Variants in DIP2C observed in about 807,000 individuals in gnomAD.
DIP2C encodes disco-interacting protein 2 homolog C.
A neutral mutation model predicts 192.4 loss-of-function variants in DIP2C; 33 were observed. The ratio of observed to expected loss-of-function variants is 0.17; its 90% CI spans 0.13 to 0.23. The LOEUF (loss-of-function observed/expected upper bound fraction) is 0.23, where lower values mean the gene tolerates loss of function less well. Among genes scored for constraint, DIP2C ranks in the 10% least tolerant of loss-of-function variants. The pLI, the probability that DIP2C is intolerant of heterozygous loss-of-function variation, is 1.00. For synonymous variants in DIP2C, 979 were observed against 864.1 expected (o/e 1.13, Z -2.33); for missense variants, 1,537 against 2,110.1 (o/e 0.73, Z 5.32).
chr10:631,341 T>A (rs1012720838), intron 1 of DIP2C: 1 of 152,246 alleles, frequency 6.6e-6, no homozygotes, highest in Non-Finnish European at 1.5e-5. Context: ...GATTCTGGTG[T>A]CTCGGGTGTT....
intron 1 of DIP2C, among the ~76,000 whole-genome samples, chr10:597,559 C>T (rs1315625491): frequency 6.6e-6 from 1 of 152,182 alleles, no homozygotes; most frequent in Non-Finnish European, 1.5e-5. Context: ...CAGGAGTGCA[C>T]TAACGCTGTC....
At chr10:476,699 C>T (rs1251160369) in intron 2 of DIP2C, among the ~76,000 whole-genome samples, 1 of 152,204 alleles carries the variant, frequency 6.6e-6, no homozygotes, top group Non-Finnish European at 1.5e-5. Flanking sequence ...CTGTCATTCT[C>T]CTGGTACCTG....
rs79234819 is a variant in DIP2C, at chr10:655,640, G to A, written c.85+33854C>T. ...CTATGTAATATTAATACCATGCTGT[G>A]TGTTCTAATCTAGACTACATTATGC... On this transcript the variant is annotated intron_variant, in intron 1 of 36. Transcript: ENST00000280886. 4.5e-3 allele frequency among the ~76,000 whole-genome samples: 686 copies of A among 152,242 alleles called. 5 individuals are homozygous for A. The highest frequency in any genetic ancestry group is 0.015 in the African/African-American group (636 of 41,540).
intron 7 of DIP2C, among the ~76,000 whole-genome samples, chr10:414,751 A>G (rs1211515576): frequency 7.4e-5 from 10 of 134,858 alleles, no homozygotes; most frequent in East Asian, 6.5e-4. Flanking sequence ...ACATATATAT[A>G]TATATAATGT....
chr10:592,903 A>C (rs967781794), intron 1 of DIP2C, among the ~76,000 whole-genome samples: 14 of 151,566 alleles, frequency 9.2e-5, no homozygotes, highest in Non-Finnish European at 1.8e-4. Context: ...GGGTATTTGG[A>C]AACTTCTGTG....
At chr10:324,811 T>G (rs1293621162) in intron 31 of DIP2C, 1 of 435,906 alleles carries the variant, frequency 2.3e-6, no homozygotes, top group African/African-American at 2.0e-5. Flanking sequence ...GTAAGGACGG[T>G]GGCACGCTTC....
At chr10:512,292 C>T (rs1293014557) in intron 1 of DIP2C, among the ~76,000 whole-genome samples, 1 of 152,198 alleles carries the variant, frequency 6.6e-6, no homozygotes, top group Non-Finnish European at 1.5e-5. Context: ...AGATGTGGTG[C>T]TCACACCTGT....
chr10:494,687 G>A (rs200266328), intron 1 of DIP2C, among the ~76,000 whole-genome samples: 6 of 152,194 alleles, frequency 3.9e-5, no homozygotes, highest in African/African-American at 9.7e-5. Flanking sequence ...GAGCAGTCAC[G>A]CCACCTGTGC....
intron 1 of DIP2C, among the ~76,000 whole-genome samples, chr10:491,845 C>T (rs544478100): frequency 3.4e-4 from 52 of 152,340 alleles, no homozygotes; most frequent in African/African-American, 1.2e-3. Context: ...CACAGACCTG[C>T]TGTGCACCCT....
At chr10:412,720 G>T (rs543691823) in intron 8 of DIP2C, among the ~76,000 whole-genome samples, 1 of 152,266 alleles carries the variant, frequency 6.6e-6, no homozygotes, top group East Asian at 1.9e-4. Context: ...GTTCAACATA[G>T]CATCTGGCTT....
Position 689,387 on chromosome 10 carries a change from C to A in DIP2C, c.85+107G>T, listed in dbSNP as rs867309516. On this transcript the variant is annotated intron_variant, in intron 1 of 36. Transcript: ENST00000280886. This position sits in a 1 kb window ranked among gnomAD's most constrained non-coding sequence, Gnocchi z 6.1. ...GCTCCGGGCTGGGGTCGCACCTCCC[C>A]CTCCGGGCCCGGCCCCCGCCCCGCC... The A allele has an allele frequency of 2.0e-3, 1,247 of 616,298 alleles. 3 individuals carry two copies. Among genetic ancestry groups the A allele is most frequent in the Middle Eastern group, 0.014 (18 of 1,264 alleles). The allele number at this position is 616,298 out of a possible 1,614,324, so 38.2% of individuals were successfully genotyped here.
intron 1 of DIP2C, among the ~76,000 whole-genome samples, chr10:593,182 G>A (rs542629965): frequency 6.6e-6 from 1 of 152,130 alleles, no homozygotes; most frequent in South Asian, 2.1e-4. Context: ...CCAACCCCAG[G>A]ACACTCACTG....
At chr10:504,563 G>C (rs541114459) in intron 1 of DIP2C, among the ~76,000 whole-genome samples, 1 of 151,984 alleles carries the variant, frequency 6.6e-6, no homozygotes, top group South Asian at 2.1e-4. Flanking sequence ...GACCAAGTCT[G>C]ACCATGCAGA....
At chr10:421,029 C>T (rs898417119) in intron 5 of DIP2C, among the ~76,000 whole-genome samples, 40 of 152,312 alleles carry the variant, frequency 2.6e-4, no homozygotes, top group Middle Eastern at 6.8e-3. Context: ...CTTTTTACTT[C>T]TTTTGTTTTG....
chr10:676,717 A>G (rs1484575190), intron 1 of DIP2C, among the ~76,000 whole-genome samples: 3 of 152,222 alleles, frequency 2.0e-5, no homozygotes, highest in Admixed American at 2.0e-4. Flanking sequence ...CAAGAGGGTT[A>G]AAGATCTCTA....
chr10:343,376 C>G (rs1314447567), intron 28 of DIP2C, among the ~76,000 whole-genome samples: 1 of 152,200 alleles, frequency 6.6e-6, no homozygotes, highest in Non-Finnish European at 1.5e-5. Context: ...CTTGTAATAA[C>G]TGGGGAAATC....
At chr10:431,777 AAAG>A (rs1458942251) in intron 4 of DIP2C, among the ~76,000 whole-genome samples, 2 of 152,218 alleles carry the variant, frequency 1.3e-5, no homozygotes. Context: ...ACAATGTTGA[AAAG>A]AAGTGGTGAG....
intron 10 of DIP2C, among the ~76,000 whole-genome samples, chr10:392,247 TCTG>T (rs1963522353): frequency 6.6e-6 from 1 of 152,190 alleles, no homozygotes; most frequent in African/African-American, 2.4e-5. Context: ...GGAAGGCGGC[TCTG>T]CTGAGCCAGG....
At chr10:682,109 C>T (rs895714045) in intron 1 of DIP2C, among the ~76,000 whole-genome samples, 1 of 152,238 alleles carries the variant, frequency 6.6e-6, no homozygotes, top group African/African-American at 2.4e-5. Flanking sequence ...CCATGGGCTT[C>T]AGAGCATAGA....
Sources: gnomAD v4.1 joint callset for allele counts (sites outside exome capture counted in the v4.1 genomes callset) on GRCh38, gnomAD v4.1.1 for gene constraint, Gnocchi (gnomAD v3.1) non-coding constraint, MANE v1.5 for transcripts, NCBI Gene and HGNC (gene_info 2026-07-23, HGNC 2026-07-21) for gene names.